Variants in SCHIP1 observed in about 807,000 individuals in gnomAD.
The protein encoded by SCHIP1 is schwannomin interacting protein 1.
In SCHIP1, 8 loss-of-function variants were observed where a neutral mutation model predicts 29.7. The ratio of observed to expected loss-of-function variants is 0.27; its 90% CI spans 0.16 to 0.49. The LOEUF (loss-of-function observed/expected upper bound fraction) is 0.49. SCHIP1 is among the 20% of genes least tolerant of loss of function. The pLI is 0.99. For synonymous variants in SCHIP1, 76 were observed against 94.9 expected (o/e 0.80, Z 1.16); for missense variants, 193 against 294.6 (o/e 0.66, Z 2.52).
chr3:159,891,992 T>C, intron 5 of SCHIP1, 105 bp from the exon 7 acceptor site: 1 of 1,252,146 alleles, frequency 8.0e-7, no homozygotes, highest in South Asian at 1.7e-5. Context: ...AAAATATCTT[T>C]CCTATTATGG....
At chr3:159,475,807 T>G in the SCHIP1 span, among the ~76,000 whole-genome samples, 1 of 152,104 alleles carries the variant, frequency 6.6e-6, no homozygotes, top group South Asian at 2.1e-4. Context: ...TTGGATATAA[T>G]TAGGAAAAGA....
intron 2 of SCHIP1, among the ~76,000 whole-genome samples, chr3:159,874,157 G>T (rs1157682023): frequency 6.6e-6 from 1 of 152,066 alleles, no homozygotes; most frequent in Non-Finnish European, 1.5e-5. Flanking sequence ...AAATAAATTT[G>T]ATTCTCACCT....
the SCHIP1 span, among the ~76,000 whole-genome samples, chr3:159,429,693 A>G: frequency 6.6e-6 from 1 of 152,194 alleles, no homozygotes; most frequent in South Asian, 2.1e-4. Flanking sequence ...GCAAAAAGAT[A>G]AACACAAGAA....
In SCHIP1 at chr3:159,876,333, T is replaced by C. The variant is rs572670302; in HGVS notation, c.150-9874T>C. 7.9e-5 allele frequency among the ~76,000 whole-genome samples: 12 copies of C among 152,318 alleles called. No individual in the cohort carries two copies. The South Asian group carries it at 2.5e-3, about 32-fold the overall frequency. On this transcript the variant is annotated intron_variant, in intron 2 of 6. Transcript: ENST00000445224. ...AGCGTGGTGGGTAGGAGCGGGGTAT[T>C]GGGAACCAGAGGGTCTGGCTTGGAA...
the SCHIP1 span, among the ~76,000 whole-genome samples, chr3:159,670,095 A>G: frequency 6.6e-6 from 1 of 152,244 alleles, no homozygotes; most frequent in African/African-American, 2.4e-5. Flanking sequence ...GATCTGTTGT[A>G]GGGAACATTT....
At chr3:159,297,698 A>G in the SCHIP1 span, among the ~76,000 whole-genome samples, 23,701 of 152,220 alleles carry the variant, frequency 0.16, 2,135 homozygotes, top group Middle Eastern at 0.27. Flanking sequence ...CCACTAATGC[A>G]CTGTCAATCA....
chr3:159,402,582 C>T, the SCHIP1 span, among the ~76,000 whole-genome samples: 1 of 152,244 alleles, frequency 6.6e-6, no homozygotes, highest in East Asian at 1.9e-4. Context: ...ACATATACAC[C>T]ATGGAATACT....
chr3:159,463,115 GTA>G, the SCHIP1 span, among the ~76,000 whole-genome samples: 1 of 151,162 alleles, frequency 6.6e-6, no homozygotes, highest in Non-Finnish European at 1.5e-5. Context: ...TCTATATATA[GTA>G]TATACATACT....
chr3:159,520,096 T>TAA, the SCHIP1 span, among the ~76,000 whole-genome samples: 8 of 82,898 alleles, frequency 9.7e-5, no homozygotes, highest in East Asian at 6.0e-4. Flanking sequence ...CCTCATCAAA[T>TAA]AAAAAAAAAA....
chr3:159,618,280 ATGT>A, the SCHIP1 span, among the ~76,000 whole-genome samples: 17 of 152,210 alleles, frequency 1.1e-4, no homozygotes, highest in African/African-American at 3.6e-4. Context: ...CTTCAGTTCC[ATGT>A]TATCACTCAA....
chr3:159,544,555 G>A, the SCHIP1 span, among the ~76,000 whole-genome samples: 2 of 152,016 alleles, frequency 1.3e-5, no homozygotes, highest in Non-Finnish European at 2.9e-5. Context: ...GACCATTCTG[G>A]TAGGTCTGTA....
chr3:159,425,303 C>A, the SCHIP1 span, among the ~76,000 whole-genome samples: 3 of 151,982 alleles, frequency 2.0e-5, no homozygotes, highest in Non-Finnish European at 4.4e-5. Flanking sequence ...ACCCATCTCA[C>A]ATGCAGAGAC....
chr3:159,406,029 G>T, the SCHIP1 span, among the ~76,000 whole-genome samples: 4 of 151,908 alleles, frequency 2.6e-5, no homozygotes, highest in African/African-American at 9.7e-5. Context: ...TAAAGAGGAG[G>T]TGTACAGAGA....
chr3:159,845,825 G>A (rs988445481), intron 1 of SCHIP1: 2 of 152,178 alleles, frequency 1.3e-5, no homozygotes, highest in African/African-American at 2.4e-5. Context: ...CTAGGATCAG[G>A]GTTTCCCATC....
the SCHIP1 span, among the ~76,000 whole-genome samples, chr3:159,629,460 C>G: frequency 5.3e-5 from 8 of 152,090 alleles, no homozygotes; most frequent in Non-Finnish European, 1.0e-4. Context: ...TTATTCCTAC[C>G]AAATCTTATT....
At chr3:159,465,133 AT>A in the SCHIP1 span, among the ~76,000 whole-genome samples, 1 of 152,032 alleles carries the variant, frequency 6.6e-6, no homozygotes, top group African/African-American at 2.4e-5. Context: ...AGAAGTGCAA[AT>A]TTTTGCTCAC....
At chr3:159,401,334 C>T in the SCHIP1 span, 6 of 956,862 alleles carry the variant, frequency 6.3e-6, no homozygotes, top group Non-Finnish European at 7.5e-6. Flanking sequence ...ATCTTTGAGG[C>T]ATCTAGACTA....
At chr3:159,782,167 C>G in the SCHIP1 span, among the ~76,000 whole-genome samples, 1 of 152,156 alleles carries the variant, frequency 6.6e-6, no homozygotes, top group Non-Finnish European at 1.5e-5. Context: ...AAAAGGGAGA[C>G]AAGGTTGGGT....
At chr3:159,867,990 T>A (rs992763624) in intron 2 of SCHIP1, among the ~76,000 whole-genome samples, 4 of 143,936 alleles carry the variant, frequency 2.8e-5, no homozygotes, top group Non-Finnish European at 6.0e-5. Context: ...TATATATATA[T>A]AAATCAATGA....
Sources: allele counts gnomAD v4.1 joint callset (sites outside exome capture counted in the v4.1 genomes callset), GRCh38; gene constraint gnomAD v4.1.1; transcripts MANE v1.5; gene names NCBI Gene and HGNC (gene_info 2026-07-23, HGNC 2026-07-21).